Variants in ITPK1 observed in about 807,000 individuals in gnomAD.
ITPK1 encodes inositol 1,3,4-trisphosphate 5/6-kinase.
A neutral mutation model predicts 45.3 loss-of-function variants in ITPK1; 21 were observed. The ratio of observed to expected loss-of-function variants is 0.46; its 90% CI spans 0.33 to 0.67. The LOEUF is 0.67. Among genes scored for constraint, ITPK1 ranks in the 30% least tolerant of loss-of-function variants. The pLI is 0.02. For synonymous variants in ITPK1, 258 were observed against 253.6 expected (o/e 1.02, Z -0.16); for missense variants, 474 against 573.5 (o/e 0.83, Z 1.77).
rs151134244 is a variant in ITPK1, at chr14:92,956,506, G to A, written c.670+1695C>T. 7.9e-5 allele frequency among the ~76,000 whole-genome samples: 12 copies of A among 152,158 alleles called. No individual in the cohort carries two copies. In the East Asian group the frequency reaches 1.7e-3, roughly 22 times the overall value. ...GAAGACACACAGGCAAGGAGTCCTC[G>A]TCCTCACAGATACAGGATAGGAGCC... On this transcript the variant is annotated intron_variant, in intron 8 of 10. Coordinates refer to ENST00000267615, the MANE Select transcript of ITPK1 (RefSeq NM_014216.6).
intron 4 of ITPK1, 58 bp from the exon 5 acceptor site, chr14:92,994,055 C>T (rs182392486): frequency 2.8e-6 from 3 of 1,072,446 alleles, no homozygotes; most frequent in African/African-American, 3.1e-5. Flanking sequence ...TAGCAACTCA[C>T]CCCTCGCGCC....
At chr14:93,056,543 A>T (rs1799001953) in intron 3 of ITPK1, among the ~76,000 whole-genome samples, 1 of 152,186 alleles carries the variant, frequency 6.6e-6, no homozygotes, top group South Asian at 2.1e-4. Context: ...CCCCCAAGGG[A>T]AGAGGGACCA....
intron 3 of ITPK1, among the ~76,000 whole-genome samples, chr14:93,051,387 G>A (rs562138058): frequency 1.0e-3 from 159 of 152,324 alleles, no homozygotes; most frequent in African/African-American, 3.4e-3. Context: ...AGGCCAAGGC[G>A]GGCGGATCGC....
chr14:92,941,915 G>C lies in ITPK1; in HGVS notation c.902-11C>G. On this transcript the variant is annotated splice_polypyrimidine_tract_variant and intron_variant, in intron 10 of 10. Transcript: ENST00000267615. ...TCACGCCCTCGTAGCCTGGGGGTGG[G>C]AGAGAGACAGCACAAGGGGCGTGAG... 1.2e-6 allele frequency: 2 copies of C among 1,609,462 alleles called. No individual in the cohort carries two copies. The highest frequency in any genetic ancestry group is 1.7e-5 in the Admixed American group (1 of 59,634).
rs764129225 is a variant in ITPK1, at chr14:92,938,560, C to T, written c.*3001G>A. On this transcript the variant is annotated 3_prime_UTR_variant, in exon 11 of 11. Coordinates refer to ENST00000267615, the MANE Select transcript of ITPK1 (RefSeq NM_014216.6). ...AGAGAGGAATGTTTTTCCCAGGTTG[C>T]TTTCTCCTTTATTGACAGGCATGAG... 17 of 1,584,756 alleles carry T rather than the reference C, an allele frequency of 1.1e-5. No homozygotes were observed. The highest frequency in any genetic ancestry group is 1.3e-5 in the Non-Finnish European group (15 of 1,154,074).
At position 92,940,962 on chromosome 14, in the gene ITPK1, G is replaced by A. The variant is rs189306468; in HGVS notation, c.*599C>T. On this transcript the variant is annotated 3_prime_UTR_variant, in exon 11 of 11. Coordinates refer to ENST00000267615, the MANE Select transcript of ITPK1 (RefSeq NM_014216.6). Reference sequence around the variant, plus strand: ...GAGGGAGCACAGCCCAGACCCCAGCGCGGAACTCCCCTGAGGGGTCTGTGG... The same window carrying A: ...GAGGGAGCACAGCCCAGACCCCAGCACGGAACTCCCCTGAGGGGTCTGTGG... 2.3e-6 allele frequency: 3 copies of A among 1,286,454 alleles called. No homozygotes were observed. The highest frequency in any genetic ancestry group is 1.2e-5 in the South Asian group (1 of 80,824). The allele number at this position is 1,286,454 out of a possible 1,614,324, so 79.7% of individuals were successfully genotyped here.
At chr14:92,956,006 C>T (rs1214920801) in intron 8 of ITPK1, among the ~76,000 whole-genome samples, 1 of 152,178 alleles carries the variant, frequency 6.6e-6, no homozygotes, top group Non-Finnish European at 1.5e-5. Context: ...GATGGGGACA[C>T]AGAATCAGCT....
At chr14:93,064,152 G>A (rs534653956) in intron 3 of ITPK1, among the ~76,000 whole-genome samples, 28 of 152,258 alleles carry the variant, frequency 1.8e-4, no homozygotes, top group African/African-American at 6.5e-4. Flanking sequence ...GCGTGGTGGC[G>A]GGCACCTGTA....
intron 6 of ITPK1, 142 bp downstream of exon 6, chr14:92,962,609 G>T: frequency 1.3e-6 from 1 of 767,070 alleles, no homozygotes; most frequent in Non-Finnish European, 2.3e-6. Flanking sequence ...CTATGGTGTG[G>T]GTGGAGGTGG....
At chr14:93,009,536 G>A (rs1213930780) in intron 4 of ITPK1, among the ~76,000 whole-genome samples, 1 of 152,192 alleles carries the variant, frequency 6.6e-6, no homozygotes, top group Non-Finnish European at 1.5e-5. Flanking sequence ...GCACAGAATG[G>A]TCCCACCCTC....
At chr14:92,948,974 C>T (rs1308401231) in intron 9 of ITPK1, among the ~76,000 whole-genome samples, 1 of 152,200 alleles carries the variant, frequency 6.6e-6, no homozygotes, top group Non-Finnish European at 1.5e-5. Flanking sequence ...CTTTGCAGGA[C>T]ACACAGGGCC....
chr14:93,114,963 G>T, intron 2 of ITPK1, 106 bp downstream of exon 2: 1 of 587,024 alleles, frequency 1.7e-6, no homozygotes, highest in Non-Finnish European at 2.8e-6. Flanking sequence ...CTTCCCGTTT[G>T]GCTCCGATCT....
chr14:93,019,792 G>A (rs1336581801), intron 3 of ITPK1, among the ~76,000 whole-genome samples: 1 of 152,188 alleles, frequency 6.6e-6, no homozygotes, highest in African/African-American at 2.4e-5. Flanking sequence ...ACGGAGAAAA[G>A]GACACTGTGC....
chr14:93,047,313 G>C (rs1002263241), intron 3 of ITPK1, among the ~76,000 whole-genome samples: 3 of 152,244 alleles, frequency 2.0e-5, no homozygotes, highest in Admixed American at 6.5e-5. Flanking sequence ...CCAGCCCAAG[G>C]ACAGGTGTCA....
intron 3 of ITPK1, among the ~76,000 whole-genome samples, chr14:93,065,230 T>C (rs189261859): frequency 2.1e-4 from 32 of 152,332 alleles, no homozygotes; most frequent in African/African-American, 6.7e-4. Context: ...ACATAACTTA[T>C]GCTACAGACA....
At chr14:93,048,995 G>A (rs558953476) in intron 3 of ITPK1, among the ~76,000 whole-genome samples, 1 of 152,290 alleles carries the variant, frequency 6.6e-6, no homozygotes, top group South Asian at 2.1e-4. Context: ...GGTTAGAAGT[G>A]CACATAACAT....
At chr14:93,097,196 T>C (rs1054990668) in intron 2 of ITPK1, among the ~76,000 whole-genome samples, 4 of 152,234 alleles carry the variant, frequency 2.6e-5, no homozygotes, top group Non-Finnish European at 5.9e-5. Flanking sequence ...TTCCCAGGGC[T>C]TGACCCTCCC....
At chr14:93,041,873 A>T (rs1210109443) in intron 3 of ITPK1, among the ~76,000 whole-genome samples, 1 of 152,160 alleles carries the variant, frequency 6.6e-6, no homozygotes, top group Non-Finnish European at 1.5e-5. Flanking sequence ...GGGGGTTCAG[A>T]TGCTAGGAAC....
rs567743851 is a variant in ITPK1, at chr14:93,016,602, C to A, written c.246+74G>T. The stretch of plus-strand genomic sequence containing the variant: ...GAGAGCTGCTACCGCCCTAAATACA[C>A]ACACGGCCATTCCAGGGCCTCCCCT... On this transcript the variant is annotated intron_variant, in intron 4 of 10. Coordinates refer to ENST00000267615, the MANE Select transcript of ITPK1 (RefSeq NM_014216.6). This position sits in a 1 kb window ranked among gnomAD's most constrained non-coding sequence, Gnocchi z 5.0. The A allele has an allele frequency of 5.2e-5, 80 of 1,547,766 alleles. 1 individual carries two copies. The South Asian group carries it at 8.2e-4, about 16-fold the overall frequency.
Sources: allele counts gnomAD v4.1 joint callset (sites outside exome capture counted in the v4.1 genomes callset), GRCh38; gene constraint gnomAD v4.1.1; non-coding constraint Gnocchi (gnomAD v3.1); transcripts MANE v1.5; gene names NCBI Gene and HGNC (gene_info 2026-07-23, HGNC 2026-07-21).